RGMA: variants seen among roughly 807,000 people sequenced by gnomAD.
RGMA encodes repulsive guidance molecule BMP co-receptor a.
RGMA carries 10 observed loss-of-function variants against 23.2 expected under a neutral mutation model. That is an observed-to-expected ratio of 0.43 (90% CI 0.27 to 0.73). The LOEUF (loss-of-function observed/expected upper bound fraction) is 0.73, where lower values mean the gene tolerates loss of function less well. RGMA is among the 30% of genes least tolerant of loss of function. The pLI is 0.20. For missense variants in RGMA, 547 were observed against 630.5 expected (o/e 0.87, Z 1.42); for synonymous variants, 308 against 279.3 (o/e 1.10, Z -1.03).
At chr15:93,073,292 CGAGGTAGCCG>C (rs1405282438) in intron 1 of RGMA, 1 of 778,562 alleles carries the variant, frequency 1.3e-6, no homozygotes, top group East Asian at 5.3e-5. Context: ...GCGAGGCCGG[CGAGGTAGCCG>C]GAGGCGGCCG....
In RGMA at chr15:93,064,786, C is replaced by T. The variant is rs570983334; in HGVS notation, c.130+8130G>A. On this transcript the variant is annotated intron_variant, in intron 2 of 3. Coordinates refer to ENST00000329082, the MANE Select transcript of RGMA (RefSeq NM_020211.3). ...ATGACAGCTTTGCCAGCTTGTCTTC[C>T]TGTGGCTGGGTGGCATCGTCCTCTT... Among the ~76,000 whole-genome samples the T allele has an allele frequency of 3.3e-5, 5 of 152,330 alleles. No homozygotes were observed. The South Asian group carries it at 6.2e-4, about 19-fold the overall frequency.
rs78001161 is a variant in RGMA at position 93,074,737 on chromosome 15, G to A, written c.15-1706C>T. On this transcript the variant is annotated intron_variant, in intron 1 of 3. Coordinates refer to ENST00000329082, the MANE Select transcript of RGMA (RefSeq NM_020211.3). The stretch of plus-strand genomic sequence containing the variant: ...TCAAGCTTGGCCAGTCCTGGGGCCC[G>A]ACCCAACAATTTATTCTGCAGCATC... Among the ~76,000 whole-genome samples, 7 of 152,244 alleles carry A rather than the reference G, an allele frequency of 4.6e-5. No homozygotes were observed. The East Asian group carries it at 7.7e-4, about 17-fold the overall frequency.
rs12438886 is a variant in RGMA, at chr15:93,042,832, C to G, written c.*2166G>C. On this transcript the variant is annotated 3_prime_UTR_variant, in exon 4 of 4. Coordinates refer to ENST00000329082, the MANE Select transcript of RGMA (RefSeq NM_020211.3). ...CCTCCTGCAGCACCACTGCTCCGCC[C>G]GGGCTATGAGAAGATGGGCACTGGC... The G allele has an allele frequency of 6.6e-6, 1 of 152,264 alleles. No homozygotes were observed. Among genetic ancestry groups the G allele is most frequent in the Non-Finnish European group, 1.5e-5 (1 of 68,124 alleles). The allele number at this position is 152,264 out of a possible 1,614,324, so 9.4% of individuals were successfully genotyped here.
At chr15:93,060,067 A>C (rs903933656) in intron 2 of RGMA, among the ~76,000 whole-genome samples, 17 of 152,282 alleles carry the variant, frequency 1.1e-4, no homozygotes, top group African/African-American at 4.1e-4. Context: ...CCAGAAAGTT[A>C]TACCTTCTAG....
At chr15:93,068,830 C>T (rs903624127) in intron 2 of RGMA, among the ~76,000 whole-genome samples, 6 of 152,176 alleles carry the variant, frequency 3.9e-5, no homozygotes, top group Admixed American at 3.9e-4. Flanking sequence ...GATTAGTGCT[C>T]TTATAAAAGG....
In RGMA at chr15:93,041,455, A is replaced by C. The variant is rs1432370188; in HGVS notation, c.*3543T>G. On this transcript the variant is annotated 3_prime_UTR_variant, in exon 4 of 4. Coordinates refer to ENST00000329082, the MANE Select transcript of RGMA (RefSeq NM_020211.3). ...TGCTGTGTTCCATATTCACGACGGCATTTCCATGCTCGTGAGGGCAACCAG... is the reference window on the plus strand; with the variant it reads ...TGCTGTGTTCCATATTCACGACGGCCTTTCCATGCTCGTGAGGGCAACCAG... 1 of 152,212 alleles carries C rather than the reference A, an allele frequency of 6.6e-6. No homozygotes were observed. Among genetic ancestry groups the C allele is most frequent in the East Asian group, 1.9e-4 (1 of 5,188 alleles). 9.4% of individuals were successfully genotyped at this position (152,212 alleles called of 1,614,324 possible).
intron 1 of RGMA, chr15:93,088,241 T>G: frequency 1.7e-4 from 79 of 474,698 alleles, no homozygotes; most frequent in Non-Finnish European, 2.1e-4. Flanking sequence ...ACACCCGCCC[T>G]CCCATTGAAT....
chr15:93,046,065 CAAG>C (rs1441998110), intron 3 of RGMA, among the ~76,000 whole-genome samples: 4 of 152,082 alleles, frequency 2.6e-5, no homozygotes, highest in African/African-American at 7.2e-5. Context: ...TAATGGCTCC[CAAG>C]AAGAACATGC....
At chr15:93,048,717 C>T (rs865898268) in intron 3 of RGMA, among the ~76,000 whole-genome samples, 14 of 152,280 alleles carry the variant, frequency 9.2e-5, no homozygotes, top group South Asian at 4.1e-4. Context: ...CAACTTCATA[C>T]GGTTCAGCCT....
chr15:93,078,784 G>C (rs192306669), intron 1 of RGMA, among the ~76,000 whole-genome samples: 1 of 152,156 alleles, frequency 6.6e-6, no homozygotes, highest in Admixed American at 6.5e-5. Context: ...ACTATTTTTC[G>C]CTTGTTTTCC....
chr15:93,045,053 C>CG lies in RGMA; in HGVS notation c.1297dup (p.Arg433ProfsTer22). 1.9e-6 allele frequency: 3 copies of CG among 1,577,358 alleles called. No individual in the cohort carries two copies. The highest frequency in any genetic ancestry group is 2.6e-6 in the Non-Finnish European group (3 of 1,161,628). ...CGGGACGAGGGCGCCCAGGAGGGGC[C>CG]GGGGGGCCAGGGGCAGCCCCGCAGC... On this transcript the variant is annotated frameshift_variant, in exon 4 of 4. Coordinates refer to ENST00000329082, the MANE Select transcript of RGMA (RefSeq NM_020211.3). LOFTEE classifies it low-confidence loss of function (END_TRUNC). This position sits in a 1 kb window ranked among gnomAD's most constrained non-coding sequence, Gnocchi z 6.9.
intron 2 of RGMA, chr15:93,066,407 CG>C (rs1339427072): frequency 3.8e-5 from 23 of 610,386 alleles, no homozygotes; most frequent in Non-Finnish European, 6.5e-5. Context: ...AAACGGGGGG[CG>C]GGGGTTTCCA....
chr15:93,051,080 G>A (rs1392676346), intron 3 of RGMA, among the ~76,000 whole-genome samples: 3 of 152,230 alleles, frequency 2.0e-5, no homozygotes, highest in East Asian at 1.9e-4. Flanking sequence ...GGAATCCACA[G>A]GGCGAAGACC....
intron 1 of RGMA, among the ~76,000 whole-genome samples, chr15:93,080,550 C>T (rs1292167526): frequency 2.0e-5 from 3 of 152,062 alleles, no homozygotes; most frequent in East Asian, 1.9e-4. Flanking sequence ...TCCCCAGGCA[C>T]GGGGCTTTTC....
intron 3 of RGMA, among the ~76,000 whole-genome samples, chr15:93,051,639 G>A (rs992547673): frequency 9.2e-5 from 14 of 152,204 alleles, no homozygotes; most frequent in Admixed American, 6.5e-4. Flanking sequence ...CAGTGGCCTC[G>A]TGGGGCCGCT....
In RGMA at chr15:93,043,256, GCACA is replaced by G. The variant is rs753448548; in HGVS notation, c.*1738_*1741del. 2 of 136,000 alleles carry G rather than the reference GCACA, an allele frequency of 1.5e-5. No individual in the cohort carries two copies. The highest frequency in any genetic ancestry group is 5.1e-5 in the African/African-American group (2 of 39,426). 8.4% of individuals were successfully genotyped at this position (136,000 alleles called of 1,614,324 possible). On this transcript the variant is annotated 3_prime_UTR_variant, in exon 4 of 4. Transcript: ENST00000329082. ...TGCGTACATGCACGCACACAGGCACGCACACACACAGGCATGCATACACACATGC... is the reference window on the plus strand; with the variant it reads ...TGCGTACATGCACGCACACAGGCACGCACACAGGCATGCATACACACATGC...
At chr15:93,073,601 G>C in intron 1 of RGMA, 1 of 1,535,784 alleles carries the variant, frequency 6.5e-7, no homozygotes, top group Non-Finnish European at 8.7e-7. Flanking sequence ...TTCCACCGAC[G>C]CCCCCTGGCT....
chr15:93,070,411 C>T (rs1567192267), intron 2 of RGMA, among the ~76,000 whole-genome samples: 1 of 152,180 alleles, frequency 6.6e-6, no homozygotes, highest in Admixed American at 6.5e-5. Flanking sequence ...CACACAGGGG[C>T]CCCCAGTGTG....
chr15:93,088,271 G>A (rs1429518565), intron 1 of RGMA: 3 of 833,438 alleles, frequency 3.6e-6, no homozygotes, highest in Non-Finnish European at 4.3e-6. Flanking sequence ...CCCCATGCCC[G>A]GGCTTGTACC....
Sources: gnomAD v4.1 joint callset for allele counts (sites outside exome capture counted in the v4.1 genomes callset) on GRCh38, gnomAD v4.1.1 for gene constraint, Gnocchi (gnomAD v3.1) non-coding constraint, MANE v1.5 for transcripts, NCBI Gene and HGNC (gene_info 2026-07-23, HGNC 2026-07-21) for gene names.